Variants in KCNIP4 observed in about 807,000 individuals in gnomAD.
The protein encoded by KCNIP4 is potassium voltage-gated channel interacting protein 4.
KCNIP4 carries 12 observed loss-of-function variants against 34.0 expected under a neutral mutation model. That is an observed-to-expected ratio of 0.35 (90% CI 0.23 to 0.57). The LOEUF (loss-of-function observed/expected upper bound fraction) is 0.57. KCNIP4 is among the 20% of genes least tolerant of loss of function. KCNIP4 has a pLI of 0.83. For synonymous variants in KCNIP4, 124 were observed against 102.2 expected (o/e 1.21, Z -1.29); for missense variants, 238 against 311.7 (o/e 0.76, Z 1.78).
In KCNIP4 at chr4:20,960,053, G is replaced by T. The variant is rs570606872; in HGVS notation, c.62-77344C>A. 1.1e-4 allele frequency among the ~76,000 whole-genome samples: 16 copies of T among 152,214 alleles called. No homozygotes were observed. The East Asian group carries it at 3.1e-3, about 29-fold the overall frequency. On this transcript the variant is annotated intron_variant, in intron 1 of 8. Coordinates refer to ENST00000382152, the MANE Select transcript of KCNIP4 (RefSeq NM_025221.6). ...AGACAGACTGTGCATAAAAAAATAA[G>T]AAAAGTTCCATAACAAATAAATACG...
intron 1 of KCNIP4, among the ~76,000 whole-genome samples, chr4:21,741,848 C>T (rs1716424145): frequency 6.6e-6 from 1 of 151,894 alleles, no homozygotes; most frequent in Non-Finnish European, 1.5e-5. Context: ...ACCAGCCTGG[C>T]CAACATAGTG....
chr4:20,964,882 G>A (rs1577448427), intron 1 of KCNIP4, among the ~76,000 whole-genome samples: 1 of 152,118 alleles, frequency 6.6e-6, no homozygotes. Flanking sequence ...TATTATGTTA[G>A]AAAATGTTTT....
At chr4:21,941,253 TATC>T (rs1296799784) in intron 1 of KCNIP4, among the ~76,000 whole-genome samples, 1 of 152,144 alleles carries the variant, frequency 6.6e-6, no homozygotes, top group Non-Finnish European at 1.5e-5. Context: ...TCAGACATCT[TATC>T]ATATGTAACA....
chr4:21,445,953 A>G (rs993760257), intron 1 of KCNIP4, among the ~76,000 whole-genome samples: 31 of 152,184 alleles, frequency 2.0e-4, no homozygotes, highest in African/African-American at 7.5e-4. Context: ...CCCATCAAAA[A>G]CTGGGCGAAG....
chr4:20,864,291 T>TAC (rs1722629192), intron 2 of KCNIP4, among the ~76,000 whole-genome samples: 3 of 151,370 alleles, frequency 2.0e-5, no homozygotes, highest in South Asian at 2.1e-4. Flanking sequence ...TGCATATATG[T>TAC]ACACATATGT....
At chr4:21,345,470 A>G (rs918854973) in intron 1 of KCNIP4, among the ~76,000 whole-genome samples, 2 of 152,182 alleles carry the variant, frequency 1.3e-5, no homozygotes, top group African/African-American at 4.8e-5. Flanking sequence ...ATGGATAACT[A>G]ATATAGCAGG....
chr4:21,246,891 T>C (rs1379690503), intron 1 of KCNIP4, among the ~76,000 whole-genome samples: 8 of 152,226 alleles, frequency 5.3e-5, no homozygotes. Flanking sequence ...TCTCAACTAT[T>C]ATCATTTAAA....
intron 1 of KCNIP4, among the ~76,000 whole-genome samples, chr4:21,465,639 C>T (rs894017855): frequency 5.5e-4 from 84 of 152,148 alleles, no homozygotes; most frequent in African/African-American, 1.8e-3. Context: ...TTGACTTGTT[C>T]GCCTAACTTC....
intron 1 of KCNIP4, among the ~76,000 whole-genome samples, chr4:21,757,166 AGAAG>A (rs1560691253): frequency 0.026 from 1,209 of 46,030 alleles, 52 homozygotes; most frequent in Admixed American, 0.04. Flanking sequence ...AAAGAAAGAA[AGAAG>A]GAAGGAAGGA....
intron 1 of KCNIP4, among the ~76,000 whole-genome samples, chr4:21,580,137 A>G (rs1741100510): frequency 6.6e-6 from 1 of 152,154 alleles, no homozygotes; most frequent in Admixed American, 6.5e-5. Context: ...TAGACTACTT[A>G]AACAGTATCA....
intron 3 of KCNIP4, among the ~76,000 whole-genome samples, chr4:20,835,418 A>G (rs949255751): frequency 6.6e-6 from 1 of 152,120 alleles, no homozygotes; most frequent in Non-Finnish European, 1.5e-5. Flanking sequence ...CGGAGAGGTC[A>G]CTTAACAATT....
intron 1 of KCNIP4, among the ~76,000 whole-genome samples, chr4:21,033,067 G>A (rs1741150063): frequency 6.6e-6 from 1 of 151,924 alleles, no homozygotes; most frequent in African/African-American, 2.4e-5. Flanking sequence ...GGAAGAAAGT[G>A]TTCTACTACT....
At position 21,516,395 on chromosome 4, in the gene KCNIP4, C is replaced by T. The variant is rs368960859; in HGVS notation, c.61+432176G>A. Among the ~76,000 whole-genome samples the T allele has an allele frequency of 2.6e-4, 40 of 152,318 alleles. 1 individual carries two copies. The East Asian group carries it at 4.6e-3, about 18-fold the overall frequency. On this transcript the variant is annotated intron_variant, in intron 1 of 8. Transcript: ENST00000382152. ...TCAAAGGGCAGAATAAGTCCTACCA[C>T]AACAATCACCCTTTTCCTTTCACCC...
At chr4:21,929,691 T>C (rs1484179908) in intron 1 of KCNIP4, among the ~76,000 whole-genome samples, 1 of 152,150 alleles carries the variant, frequency 6.6e-6, no homozygotes, top group Non-Finnish European at 1.5e-5. Context: ...AAGAATTGTC[T>C]ACACCTGCTC....
chr4:20,974,044 G>C (rs1296197539), intron 1 of KCNIP4, among the ~76,000 whole-genome samples: 1 of 152,174 alleles, frequency 6.6e-6, no homozygotes, highest in Non-Finnish European at 1.5e-5. Context: ...AGCACATGCT[G>C]TTGGAAAAAT....
intron 1 of KCNIP4, among the ~76,000 whole-genome samples, chr4:21,674,834 C>T (rs1425178532): frequency 6.6e-6 from 1 of 152,034 alleles, no homozygotes; most frequent in Non-Finnish European, 1.5e-5. Context: ...TTTGCCACAC[C>T]TGAGTAACCT....
At position 20,892,381 on chromosome 4, in the gene KCNIP4, A is replaced by G. The variant is rs750307060; in HGVS notation, c.62-9672T>C. On this transcript the variant is annotated intron_variant, in intron 1 of 8. Coordinates refer to ENST00000382152, the MANE Select transcript of KCNIP4 (RefSeq NM_025221.6). Reference sequence around the variant, plus strand: ...TCTCTGTCAGCCTTTCCATCTCTCTATCTGTCTTTCTGTCTCTGTCTCACT... The same window carrying G: ...TCTCTGTCAGCCTTTCCATCTCTCTGTCTGTCTTTCTGTCTCTGTCTCACT... Among the ~76,000 whole-genome samples the G allele has an allele frequency of 5.3e-5, 8 of 151,702 alleles. No homozygotes were observed. In the East Asian group the frequency reaches 5.8e-4, roughly 11 times the overall value.
intron 1 of KCNIP4, among the ~76,000 whole-genome samples, chr4:21,611,527 G>A (rs1744156098): frequency 6.6e-6 from 1 of 152,132 alleles, no homozygotes; most frequent in Non-Finnish European, 1.5e-5. Context: ...AATCATATCA[G>A]TGAGCAATTA....
At chr4:21,004,123 A>G (rs1300523312) in intron 1 of KCNIP4, among the ~76,000 whole-genome samples, 2 of 152,172 alleles carry the variant, frequency 1.3e-5, no homozygotes, top group Non-Finnish European at 2.9e-5. Context: ...TATGGATTTA[A>G]GGGGTGAGGA....
Sources: gnomAD v4.1 joint callset for allele counts (sites outside exome capture counted in the v4.1 genomes callset) on GRCh38, gnomAD v4.1.1 for gene constraint, MANE v1.5 for transcripts, NCBI Gene and HGNC (gene_info 2026-07-23, HGNC 2026-07-21) for gene names.